RHCE: variants seen among roughly 807,000 people sequenced by gnomAD.
RHCE encodes blood group Rh(CE) polypeptide.
Under a neutral mutation model 43.8 loss-of-function variants are expected in RHCE, and 22 were observed. The observed-to-expected ratio is 0.50, with a 90% CI of 0.36 to 0.72. The LOEUF is 0.72. Among genes scored for constraint, RHCE ranks in the 30% least tolerant of loss-of-function variants. The probability of loss-of-function intolerance (pLI) is 0.00; values close to 1 mark genes in which losing one functional copy is unlikely to be tolerated. For synonymous variants in RHCE, 156 were observed against 210.7 expected (o/e 0.74, Z 2.25); for missense variants, 385 against 525.4 (o/e 0.73, Z 2.61).
chr1:25,426,694 T>G (rs1217489658), intron 2 of RHCE, among the ~76,000 whole-genome samples: 1 of 152,330 alleles, frequency 6.6e-6, no homozygotes, highest in South Asian at 2.1e-4. Flanking sequence ...TAAGGATATG[T>G]GATAAAGTGT....
At chr1:25,397,390 G>A (rs1156986607) in intron 3 of RHCE, among the ~76,000 whole-genome samples, 4 of 151,254 alleles carry the variant, frequency 2.6e-5, no homozygotes, top group Non-Finnish European at 5.9e-5. Flanking sequence ...TCAGCTACTC[G>A]GGAAGCTGAG....
At chr1:25,394,619 G>A (rs1341269405) in intron 3 of RHCE, among the ~76,000 whole-genome samples, 1 of 152,090 alleles carries the variant, frequency 6.6e-6, no homozygotes, top group East Asian at 1.9e-4. Flanking sequence ...TGGAACAGAT[G>A]TTCCACGAGA....
intron 7 of RHCE, among the ~76,000 whole-genome samples, chr1:25,379,440 A>C (rs1645887824): frequency 7.4e-6 from 1 of 135,128 alleles, no homozygotes; most frequent in African/African-American, 2.8e-5. Context: ...ATTCATCCCA[A>C]TAGCACCAAA....
chr1:25,408,856 C>A lies in RHCE; in HGVS notation c.162G>T (p.Leu54=). 7.8e-7 allele frequency: 1 copy of A among 1,283,392 alleles called. No homozygotes were observed. The highest frequency in any genetic ancestry group is 1.9e-5 in the South Asian group (1 of 53,626). The allele number at this position is 1,283,392 out of a possible 1,614,324, so 79.5% of individuals were successfully genotyped here. A position where few individuals can be genotyped will look rare whatever the true frequency, so the allele number is the denominator to read the frequency against. ...LVASYQVGQD[L]TVMAALGLGF... Reference sequence around the variant, plus strand: ...CCAAGCCAAGGGCCGCCATCACGGTCAGATCTTGGCCGACTGCTCGGTGGG... The same window carrying A: ...CCAAGCCAAGGGCCGCCATCACGGTAAGATCTTGGCCGACTGCTCGGTGGG... Residue 54 remains leucine, a synonymous_variant, in exon 2 of 10, where the codon CTG becomes CTT. Transcript: ENST00000294413.
chr1:25,407,090 T>G (rs1646944428), intron 2 of RHCE, among the ~76,000 whole-genome samples: 1 of 121,016 alleles, frequency 8.3e-6, no homozygotes, highest in African/African-American at 2.5e-5. Flanking sequence ...GCCTAGCTGA[T>G]TTTTCTATTT....
upstream of RHCE, among the ~76,000 whole-genome samples, chr1:25,424,951 G>A (rs1298244215): frequency 2.6e-5 from 4 of 151,834 alleles, no homozygotes; most frequent in Non-Finnish European, 5.9e-5. Context: ...CAAGTAGCTG[G>A]GACTACAGGC....
At chr1:25,422,431 C>G (rs546210756), upstream of RHCE, among the ~76,000 whole-genome samples, 10 of 152,282 alleles carry the variant, frequency 6.6e-5, no homozygotes, top group Middle Eastern at 3.4e-3. Context: ...AAGTTGGCTG[C>G]AAACCACTAA....
At chr1:25,372,673 G>A (rs1462723647) in intron 8 of RHCE, among the ~76,000 whole-genome samples, 2 of 151,842 alleles carry the variant, frequency 1.3e-5, no homozygotes, top group African/African-American at 4.9e-5. Flanking sequence ...TGCTTGATAG[G>A]ATTGTTCCTT....
rs1157269480 is a variant in RHCE, at chr1:25,406,818, G to C, written c.335+1865C>G. ...TTTTTTGTATGTTTAGTCGAGACAG[G>C]GTTTCTCCGAGTTAGCCAGGATGGT... On this transcript the variant is annotated intron_variant, in intron 2 of 9. Transcript: ENST00000294413. Among the ~76,000 whole-genome samples, 2 of 117,288 alleles carry C rather than the reference G, an allele frequency of 1.7e-5. 1 individual carries two copies. The highest frequency in any genetic ancestry group is 3.9e-5 in the Non-Finnish European group (2 of 51,882). The allele number at this position is 117,288 out of a possible 152,430, so 76.9% of individuals were successfully genotyped here. A position where few individuals can be genotyped will look rare whatever the true frequency, so the allele number is the denominator to read the frequency against.
At chr1:25,396,466 C>G (rs1206758377) in intron 3 of RHCE, among the ~76,000 whole-genome samples, 3 of 152,180 alleles carry the variant, frequency 2.0e-5, no homozygotes, top group African/African-American at 7.2e-5. Flanking sequence ...TGTTTTCACA[C>G]TGCTATAAAG....
chr1:25,408,690 G>C lies in RHCE; in HGVS notation c.328C>G (p.Leu110Val). 7.8e-7 allele frequency: 1 copy of C among 1,282,320 alleles called. No individual in the cohort carries two copies. The highest frequency in any genetic ancestry group is 1.0e-6 in the Non-Finnish European group (1 of 962,424). 79.4% of individuals were successfully genotyped at this position (1,282,320 alleles called of 1,614,324 possible). Residue 110 changes from leucine to valine, a missense_variant, in exon 2 of 10, where the codon CTG becomes GTG. Physicochemically the swap from Leu to Val is conservative, Grantham distance 32 (BLOSUM62 1). Coordinates refer to ENST00000294413, the MANE Select transcript of RHCE (RefSeq NM_020485.8). ...CAGCCACCATCCCAATACCTGAACA[G>C]TGTGATGACCACCTTCCCAGGAGGG... ...QFPPGKVVITLFSIRLATMSA... is the reference protein window; with the variant it reads ...QFPPGKVVITVFSIRLATMSA...
chr1:25,396,895 A>G (rs1646558896), intron 3 of RHCE, among the ~76,000 whole-genome samples: 1 of 151,434 alleles, frequency 6.6e-6, no homozygotes, highest in Admixed American at 6.6e-5. Flanking sequence ...AGGTGGATCA[A>G]CTGAGGCCAG....
chr1:25,362,452 C>T lies in RHCE; in HGVS notation c.*75G>A, dbSNP rs1407548256. 16 of 1,613,044 alleles carry T rather than the reference C, an allele frequency of 9.9e-6. 1 individual carries two copies. The highest frequency in any genetic ancestry group is 3.3e-4 in the Middle Eastern group (2 of 6,084). On this transcript the variant is annotated 3_prime_UTR_variant, in exon 10 of 10. Coordinates refer to ENST00000294413, the MANE Select transcript of RHCE (RefSeq NM_020485.8). ...ACTTTGCTGTCATGAGCGTTTCTCA[C>T]GTACAAATGCAGGCAACAGTGAGAG...
intron 1 of RHCE, among the ~76,000 whole-genome samples, chr1:25,419,149 C>T (rs1339889036): frequency 6.6e-6 from 1 of 152,114 alleles, no homozygotes; most frequent in Non-Finnish European, 1.5e-5. Flanking sequence ...CATAATAGTA[C>T]CCACCTCATT....
chr1:25,420,482 T>C lies in RHCE; in HGVS notation c.148+157A>G, dbSNP rs1410584278. Among the ~76,000 whole-genome samples the C allele has an allele frequency of 3.9e-5, 6 of 152,164 alleles. No homozygotes were observed. The East Asian group carries it at 5.8e-4, about 15-fold the overall frequency. ...TGCTTCTAAAGGAAAGCTTACATTG[T>C]TGACTGAATTTCGGTGCAATCTACG... On this transcript the variant is annotated intron_variant, in intron 1 of 9. Transcript: ENST00000294413.
At position 25,390,858 on chromosome 1, in the gene RHCE, G is replaced by C; in HGVS notation, c.692C>G (p.Pro231Arg). The C allele has an allele frequency of 1.9e-6, 3 of 1,614,214 alleles. No homozygotes were observed. Among genetic ancestry groups the C allele is most frequent in the Non-Finnish European group, 2.5e-6 (3 of 1,180,046 alleles). Residue 231 changes from proline to arginine, a missense_variant, in exon 5 of 10, where the codon CCA (proline) becomes CGA (arginine). Physicochemically the swap from Pro to Arg is moderately radical, Grantham distance 103. Transcript: ENST00000294413. ...PSVNSALLRS[P>R]IQRKNAMFNT... ...GAACATGGCATTCTTCCTTTGGATT[G>C]GACTTCTCAGCAGAGCAGAGTTGAC...
intron 3 of RHCE, chr1:25,399,100 G>C: frequency 6.3e-7 from 1 of 1,581,456 alleles, no homozygotes; most frequent in Non-Finnish European, 8.7e-7. Context: ...GCCAAGGCAG[G>C]GCTTTTGGCA....
chr1:25,424,640 G>T (rs1359829697), upstream of RHCE, among the ~76,000 whole-genome samples: 1 of 151,824 alleles, frequency 6.6e-6, no homozygotes, highest in Non-Finnish European at 1.5e-5. Flanking sequence ...CACCTGCCTC[G>T]AACTCCCAAA....
At chr1:25,392,470 A>T (rs1041925186) in intron 3 of RHCE, among the ~76,000 whole-genome samples, 2 of 151,404 alleles carry the variant, frequency 1.3e-5, no homozygotes, top group Non-Finnish European at 2.9e-5. Flanking sequence ...CGTGTTTGCC[A>T]GGCTGGTCTC....
Sources: gnomAD v4.1 joint callset for allele counts (sites outside exome capture counted in the v4.1 genomes callset) on GRCh38, gnomAD v4.1.1 for gene constraint, MANE v1.5 for transcripts, NCBI Gene and HGNC (gene_info 2026-07-23, HGNC 2026-07-21) for gene names.